IGF2BP3: variants seen among roughly 807,000 people sequenced by gnomAD.
IGF2BP3 encodes the protein insulin like growth factor 2 mRNA binding protein 3, also known as insulin-like growth factor 2 mRNA-binding protein 3.
Under a neutral mutation model 73.8 loss-of-function variants are expected in IGF2BP3, and 9 were observed. That is an observed-to-expected ratio of 0.12 (90% CI 0.07 to 0.21). The LOEUF (loss-of-function observed/expected upper bound fraction) is 0.21, where lower values mean the gene tolerates loss of function less well. Ranked by LOEUF, IGF2BP3 falls within the 10% of genes least tolerant of loss-of-function variation. IGF2BP3 has a pLI of 1.00. For missense variants in IGF2BP3, 542 were observed against 714.0 expected, an observed-to-expected ratio of 0.76 and a Z score of 2.75; for synonymous variants, 258 against 256.7, an observed-to-expected ratio of 1.01 and a Z score of -0.05.
At chr7:23,425,237 A>G (rs12534523) in intron 2 of IGF2BP3, among the ~76,000 whole-genome samples, 2 of 152,240 alleles carry the variant, frequency 1.3e-5, no homozygotes, top group East Asian at 1.9e-4. Context: ...ATTTAATACA[A>G]GAGTTTCCCC....
intron 3 of IGF2BP3, among the ~76,000 whole-genome samples, chr7:23,398,489 C>T (rs1786552368): frequency 1.3e-5 from 2 of 152,214 alleles, no homozygotes; most frequent in Non-Finnish European, 2.9e-5. Flanking sequence ...AATCGCCACA[C>T]TGACATCCAC....
rs982406023 is a variant in IGF2BP3, at chr7:23,331,874, GA to G, written c.1203+10189del. On this transcript the variant is annotated intron_variant, in intron 10 of 14. Coordinates refer to ENST00000258729, the MANE Select transcript of IGF2BP3 (RefSeq NM_006547.3). ...AACTGTCTCAGAAAAAAAAAAAAAA[GA>G]AAAAAAAAAGGAGTTTAATTGACTC... Among the ~76,000 whole-genome samples the G allele has an allele frequency of 1.7e-3, 242 of 139,232 alleles. 8 individuals are homozygous for G. Among genetic ancestry groups the G allele is most frequent in the Admixed American group, 1.7e-3 (23 of 13,638 alleles). 91.3% of individuals were successfully genotyped at this position (139,232 alleles called of 152,430 possible). A position where few individuals can be genotyped will look rare whatever the true frequency, so the allele number is the denominator to read the frequency against.
chr7:23,364,198 G>C (rs1785306142), intron 3 of IGF2BP3, among the ~76,000 whole-genome samples: 2 of 152,016 alleles, frequency 1.3e-5, no homozygotes. Flanking sequence ...ACATGGTGAA[G>C]CCCCGTCTCT....
chr7:23,416,892 A>G (rs143561394), intron 3 of IGF2BP3, among the ~76,000 whole-genome samples: 2,185 of 152,250 alleles, frequency 0.014, 58 homozygotes, highest in African/African-American at 0.051. Context: ...CATCTCTACT[A>G]AAAATACAAA....
At chr7:23,400,418 T>C (rs1786622352) in intron 3 of IGF2BP3, among the ~76,000 whole-genome samples, 1 of 152,146 alleles carries the variant, frequency 6.6e-6, no homozygotes, top group Non-Finnish European at 1.5e-5. Context: ...CAGGGTAACA[T>C]TTTGAGGACA....
rs140895533 is a variant in IGF2BP3 at position 23,361,297 on chromosome 7, T to C, written c.401+237A>G. ...AATAGGGTGTGATTCAGTTTCATAC[T>C]AGACCACTCTATTATTGGCATTAAA... On this transcript the variant is annotated intron_variant, in intron 5 of 14. Transcript: ENST00000258729. 9.6e-6 allele frequency: 4 copies of C among 416,152 alleles called. No individual in the cohort carries two copies. Among genetic ancestry groups the C allele is most frequent in the African/African-American group, 6.1e-5 (3 of 49,236 alleles). 25.8% of individuals were successfully genotyped at this position (416,152 alleles called of 1,614,324 possible). A position where few individuals can be genotyped will look rare whatever the true frequency, so the allele number is the denominator to read the frequency against.
At chr7:23,380,365 G>A (rs1785870958) in intron 3 of IGF2BP3, among the ~76,000 whole-genome samples, 1 of 151,718 alleles carries the variant, frequency 6.6e-6, no homozygotes, top group African/African-American at 2.4e-5. Context: ...GGGTTTCACT[G>A]TGCTAGCCAG....
rs377588098 is a variant in IGF2BP3, at chr7:23,347,746, C to T, written c.684-12G>A. The T allele has an allele frequency of 5.9e-5, 96 of 1,613,754 alleles. No individual in the cohort carries two copies. The highest frequency in any genetic ancestry group is 5.2e-4 in the South Asian group (47 of 91,044). On this transcript the variant is annotated splice_polypyrimidine_tract_variant and intron_variant, in intron 6 of 14. Coordinates refer to ENST00000258729, the MANE Select transcript of IGF2BP3 (RefSeq NM_006547.3). ...GGTGGACATCGATTCTGATAGTGGG[C>T]GCAAGCAGAGAGGAAAACGAGAGCA...
At chr7:23,424,333 A>C (rs1787438227) in intron 2 of IGF2BP3, among the ~76,000 whole-genome samples, 1 of 151,778 alleles carries the variant, frequency 6.6e-6, no homozygotes, top group African/African-American at 2.4e-5. Flanking sequence ...CCCCGTCTCT[A>C]CTAAAAATAC....
intron 3 of IGF2BP3, among the ~76,000 whole-genome samples, chr7:23,395,505 T>C (rs1786423741): frequency 6.6e-6 from 1 of 152,106 alleles, no homozygotes; most frequent in South Asian, 2.1e-4. Flanking sequence ...CTGACACCTA[T>C]AATCCCAGCA....
At chr7:23,442,919 AGG>A (rs1787969563) in intron 2 of IGF2BP3, among the ~76,000 whole-genome samples, 1 of 152,104 alleles carries the variant, frequency 6.6e-6, no homozygotes, top group Non-Finnish European at 1.5e-5. Flanking sequence ...CCATAAAACC[AGG>A]TAACTAGAAT....
In IGF2BP3 at chr7:23,466,948, C is replaced by G. The variant is rs558096722; in HGVS notation, c.236+1534G>C. On this transcript the variant is annotated intron_variant, in intron 2 of 14. Transcript: ENST00000258729. ...ACAAAATTAAGACATACTGACCAAACATAATAACAATTAGAATTTGTAAAA... is the reference window on the plus strand; with the variant it reads ...ACAAAATTAAGACATACTGACCAAAGATAATAACAATTAGAATTTGTAAAA... Among the ~76,000 whole-genome samples the G allele has an allele frequency of 1.4e-3, 220 of 152,330 alleles. 1 individual carries two copies. The highest frequency in any genetic ancestry group is 4.8e-3 in the African/African-American group (201 of 41,576).
At chr7:23,334,128 G>C (rs1210805676) in intron 10 of IGF2BP3, among the ~76,000 whole-genome samples, 1 of 152,124 alleles carries the variant, frequency 6.6e-6, no homozygotes, top group Non-Finnish European at 1.5e-5. Context: ...TTGAGGTCAG[G>C]AGTTCGAGAC....
intron 2 of IGF2BP3, among the ~76,000 whole-genome samples, chr7:23,461,528 T>A (rs1322515955): frequency 1.3e-5 from 2 of 152,178 alleles, no homozygotes; most frequent in East Asian, 3.9e-4. Context: ...GGCACCATCT[T>A]CCACCCAGTT....
Position 23,389,099 on chromosome 7 carries a change from GACCT to G in IGF2BP3, c.286-27362_286-27359del, listed in dbSNP as rs376189662. Among the ~76,000 whole-genome samples, 56 of 151,292 alleles carry G rather than the reference GACCT, an allele frequency of 3.7e-4. No homozygotes were observed. The East Asian group carries it at 9.1e-3, about 25-fold the overall frequency. On this transcript the variant is annotated intron_variant, in intron 3 of 14. Coordinates refer to ENST00000258729, the MANE Select transcript of IGF2BP3 (RefSeq NM_006547.3). ...CTTCAATAAAGCTGTTTTTTAAAAA[GACCT>G]ACTAATTCAACGATTTAAGTTGTTA...
intron 10 of IGF2BP3, among the ~76,000 whole-genome samples, chr7:23,338,227 G>C (rs1784622688): frequency 6.6e-6 from 1 of 152,088 alleles, no homozygotes; most frequent in South Asian, 2.1e-4. Context: ...GAACAAGGTA[G>C]AAAAAGGGAT....
At chr7:23,468,847 G>A (rs1187529548) in intron 1 of IGF2BP3, among the ~76,000 whole-genome samples, 1 of 152,138 alleles carries the variant, frequency 6.6e-6, no homozygotes, top group Non-Finnish European at 1.5e-5. Context: ...AGAGGGACGC[G>A]GCCCACCCTC....
At chr7:23,358,202 G>A (rs1274297092) in intron 5 of IGF2BP3, among the ~76,000 whole-genome samples, 1 of 152,206 alleles carries the variant, frequency 6.6e-6, no homozygotes, top group Non-Finnish European at 1.5e-5. Context: ...TAGAAAAGTG[G>A]TGGCACACAG....
At chr7:23,367,736 C>T (rs1211582042) in intron 3 of IGF2BP3, among the ~76,000 whole-genome samples, 1 of 152,074 alleles carries the variant, frequency 6.6e-6, no homozygotes, top group Admixed American at 6.5e-5. Context: ...CGCGGTGGCT[C>T]ACGCCTGTAA....
Sources: gnomAD v4.1 joint callset for allele counts (sites outside exome capture counted in the v4.1 genomes callset) on GRCh38, gnomAD v4.1.1 for gene constraint, MANE v1.5 for transcripts, NCBI Gene and HGNC (gene_info 2026-07-23, HGNC 2026-07-21) for gene names.